The following IFT52 variants were observed in gnomAD, a reference collection of about 807,000 sequenced individuals.
The protein encoded by IFT52 is intraflagellar transport protein 52 homolog.
In IFT52, 44 loss-of-function variants were observed where a neutral mutation model predicts 54.4. The ratio of observed to expected loss-of-function variants is 0.81; its 90% CI spans 0.63 to 1.04. IFT52 has a LOEUF of 1.04. Among genes scored for constraint, IFT52 ranks in the 50% least tolerant of loss-of-function variants. The pLI is 0.00. For missense variants in IFT52, 452 were observed against 523.6 expected (o/e 0.86, Z 1.33); for synonymous variants, 181 against 185.3 (o/e 0.98, Z 0.19).
chr20:43,637,506 G>A (rs771379756), intron 12 of IFT52, among the ~76,000 whole-genome samples: 1 of 152,134 alleles, frequency 6.6e-6, no homozygotes, highest in Non-Finnish European at 1.5e-5. Flanking sequence ...CAGGCGATCA[G>A]CCCGCCTCGG....
chr20:43,599,546 T>C (rs1982261064), intron 3 of IFT52, among the ~76,000 whole-genome samples: 1 of 147,486 alleles, frequency 6.8e-6, no homozygotes, highest in African/African-American at 2.7e-5. Flanking sequence ...AGCTGTTAGC[T>C]TTTTTTCTAG....
chr20:43,621,202 T>C lies in IFT52; in HGVS notation c.768+277T>C, dbSNP rs192106243. The C allele has an allele frequency of 2.6e-4, 75 of 285,688 alleles. 2 individuals are homozygous for C. The East Asian group carries it at 3.3e-3, about 13-fold the overall frequency. The allele number at this position is 285,688 out of a possible 1,614,324, so 17.7% of individuals were successfully genotyped here. ...ATTATGGGCACTCTGGCCCAGACTT[T>C]CAAAATGAGCATCTGCAGAAAAATA... is the stretch of plus-strand genomic sequence containing the variant. On this transcript the variant is annotated intron_variant, in intron 9 of 13. Transcript: ENST00000373030.
chr20:43,595,538 ACT>A (rs776795453), intron 2 of IFT52, among the ~76,000 whole-genome samples: 1 of 151,230 alleles, frequency 6.6e-6, no homozygotes, highest in South Asian at 2.1e-4. Context: ...ACAGAGCGAG[ACT>A]CTGTCTAAAA....
chr20:43,626,695 A>G (rs1263052444), intron 10 of IFT52, among the ~76,000 whole-genome samples: 1 of 152,014 alleles, frequency 6.6e-6, no homozygotes, highest in Non-Finnish European at 1.5e-5. Context: ...TCAATGGACC[A>G]TAAATTATGA....
chr20:43,632,644 G>T (rs570922992), intron 10 of IFT52, among the ~76,000 whole-genome samples: 70 of 152,266 alleles, frequency 4.6e-4, no homozygotes, highest in African/African-American at 1.6e-3. Flanking sequence ...GCCTGCCTTG[G>T]CATCTTCTTT....
chr20:43,617,384 G>C (rs1983937450), intron 7 of IFT52, among the ~76,000 whole-genome samples: 1 of 151,516 alleles, frequency 6.6e-6, no homozygotes. Flanking sequence ...TACAAGTATT[G>C]AAAATTTTTC....
intron 9 of IFT52, 133 bp from the exon 10 acceptor site, chr20:43,623,758 C>A: frequency 1.0e-6 from 1 of 997,520 alleles, no homozygotes; most frequent in Non-Finnish European, 1.5e-6. Context: ...GGTTTAGTGT[C>A]AGTGATCATG....
intron 9 of IFT52, among the ~76,000 whole-genome samples, chr20:43,622,877 C>T (rs1456652459): frequency 6.6e-6 from 1 of 150,688 alleles, no homozygotes; most frequent in East Asian, 1.9e-4. Context: ...CTCCTGTTGG[C>T]AGGCATTTAT....
At chr20:43,604,127 T>C in intron 4 of IFT52, 56 bp from the exon 5 acceptor site, 1 of 1,408,304 alleles carries the variant, frequency 7.1e-7, no homozygotes, top group East Asian at 2.3e-5. Flanking sequence ...TATGAGTCTA[T>C]AATATCGAAT....
intron 7 of IFT52, among the ~76,000 whole-genome samples, 172 bp from the exon 8 acceptor site, chr20:43,618,768 C>A (rs1365415879): frequency 6.6e-6 from 1 of 152,056 alleles, no homozygotes; most frequent in East Asian, 1.9e-4. Flanking sequence ...ACAGGCTGAT[C>A]CACTGCGCCT....
intron 10 of IFT52, among the ~76,000 whole-genome samples, chr20:43,626,560 A>G (rs1984737108): frequency 6.6e-6 from 1 of 152,118 alleles, no homozygotes; most frequent in African/African-American, 2.4e-5. Context: ...TTTCAAATCT[A>G]TAAAATCAGG....
At chr20:43,603,027 T>A (rs181726865) in intron 3 of IFT52, among the ~76,000 whole-genome samples, 17 of 152,330 alleles carry the variant, frequency 1.1e-4, no homozygotes, top group African/African-American at 3.6e-4. Flanking sequence ...TACATACATA[T>A]TGAATGTATT....
chr20:43,604,305 A>G, intron 5 of IFT52, 47 bp downstream of exon 5: 1 of 1,374,858 alleles, frequency 7.3e-7, no homozygotes, highest in Non-Finnish European at 1.0e-6. Context: ...ATCGTCGCTC[A>G]CACCTGTAAT....
intron 1 of IFT52, among the ~76,000 whole-genome samples, chr20:43,591,638 A>C (rs1981527178): frequency 6.6e-6 from 1 of 152,220 alleles, no homozygotes. Flanking sequence ...TGCTTAAAGA[A>C]GGATAAATAT....
At chr20:43,610,471 C>G (rs1983348501) in intron 6 of IFT52, among the ~76,000 whole-genome samples, 2 of 151,820 alleles carry the variant, frequency 1.3e-5, no homozygotes, top group Admixed American at 1.3e-4. Flanking sequence ...CAGTGACTCA[C>G]GCCTGTAATT....
intron 3 of IFT52, among the ~76,000 whole-genome samples, chr20:43,600,335 T>C (rs902774560): frequency 3.3e-5 from 5 of 151,758 alleles, no homozygotes; most frequent in East Asian, 1.9e-4. Flanking sequence ...GACGGAGTCT[T>C]GCTCTGTCAC....
chr20:43,614,629 A>G (rs1280821553), intron 7 of IFT52, among the ~76,000 whole-genome samples: 1 of 151,902 alleles, frequency 6.6e-6, no homozygotes, highest in Non-Finnish European at 1.5e-5. Context: ...AAGAGAATAC[A>G]TTCAGGAACA....
intron 10 of IFT52, among the ~76,000 whole-genome samples, chr20:43,633,889 T>G (rs963176829): frequency 2.6e-5 from 4 of 151,848 alleles, no homozygotes; most frequent in African/African-American, 9.7e-5. Flanking sequence ...AAAGGTTGGG[T>G]GCGGTGGCTC....
intron 10 of IFT52, among the ~76,000 whole-genome samples, chr20:43,628,001 A>G (rs1600500464): frequency 7.5e-6 from 1 of 134,118 alleles, no homozygotes; most frequent in Non-Finnish European, 1.5e-5. Context: ...ATCTCGGCTC[A>G]CTGCAGCCTC....
Sources: gnomAD v4.1 joint callset for allele counts (sites outside exome capture counted in the v4.1 genomes callset) on GRCh38, gnomAD v4.1.1 for gene constraint, MANE v1.5 for transcripts, NCBI Gene and HGNC (gene_info 2026-07-23, HGNC 2026-07-21) for gene names.